The following ODAD3 variants were observed in gnomAD, a reference collection of about 807,000 sequenced individuals.
ODAD3 encodes the protein outer dynein arm docking complex subunit 3, also known as outer dynein arm-docking complex subunit 3.
ODAD3 carries 57 observed loss-of-function variants against 70.9 expected under a neutral mutation model. The ratio of observed to expected loss-of-function variants is 0.80; its 90% CI spans 0.65 to 1.00. The LOEUF is 1.00. Among genes scored for constraint, ODAD3 ranks in the 50% least tolerant of loss-of-function variants. The pLI is 0.00. For synonymous variants in ODAD3, 327 were observed against 315.9 expected (o/e 1.04, Z -0.37); for missense variants, 797 against 763.9 (o/e 1.04, Z -0.51).
rs201899388 is a variant in ODAD3, at chr19:11,426,185, C to T, written c.922G>A (p.Ala308Thr). 5.8e-5 allele frequency: 93 copies of T among 1,613,100 alleles called. No individual in the cohort carries two copies. Among genetic ancestry groups the T allele is most frequent in the Middle Eastern group, 1.6e-4 (1 of 6,084 alleles). ...TCGTTCTCCAGTTTCTTCTCCTCGG[C>T]GCGCTTCTTGCACTCACTTATGTAG... ...ERYISECKKR[A>T]EEKKLENERM... Residue 308 changes from alanine (A) to threonine (T), a missense_variant, in exon 7 of 13, where the codon GCC becomes ACC. By Grantham distance (58) the Ala-to-Thr change is moderately conservative. Transcript: ENST00000356392.
At chr19:11,425,361 A>G (rs1010681455) in intron 7 of ODAD3, among the ~76,000 whole-genome samples, 2,063 of 110,858 alleles carry the variant, frequency 0.019, 174 homozygotes, top group African/African-American at 0.058. Context: ...GTGTATATGT[A>G]CATATGTGTA....
rs1009945841 is a variant in ODAD3, at chr19:11,422,934, C to A, written c.1117-73G>T. On this transcript the variant is annotated intron_variant, in intron 8 of 12. Transcript: ENST00000356392. This position sits in a 1 kb window ranked among gnomAD's most constrained non-coding sequence, Gnocchi z 4.6. ...GGGCGCTCCACCTCCTCTCCCCCAC[C>A]CTGCGAACCCTCGCACGCAGGACAG... The A allele has an allele frequency of 6.6e-7, 1 of 1,518,966 alleles. No homozygotes were observed. The highest frequency in any genetic ancestry group is 2.3e-5 in the East Asian group (1 of 43,638). The allele number at this position is 1,518,966 out of a possible 1,614,324, so 94.1% of individuals were successfully genotyped here.
Position 11,427,025 on chromosome 19 carries a change from C to G in ODAD3, c.460G>C (p.Asp154His). 1 of 1,591,598 alleles carries G rather than the reference C, an allele frequency of 6.3e-7. No individual in the cohort carries two copies. Among genetic ancestry groups the G allele is most frequent in the Non-Finnish European group, 8.5e-7 (1 of 1,174,674 alleles). The change falls in exon 4 of 13, where the codon GAC (aspartate) becomes CAC (histidine). Residue 154 changes from aspartate to histidine, a missense_variant. By Grantham distance (81) the Asp-to-His change is moderately conservative. Coordinates refer to ENST00000356392, the MANE Select transcript of ODAD3 (RefSeq NM_145045.5). ...NRTGQALEHL[D>H]HRLREKVKQQ... Reference sequence around the variant, plus strand: ...TTCACCTTCTCCCTCAGCCGGTGGTCTAGGTGCTCCAGGGCCTGCCGCAAG... The same window carrying G: ...TTCACCTTCTCCCTCAGCCGGTGGTGTAGGTGCTCCAGGGCCTGCCGCAAG...
rs868356352 is a variant in ODAD3, at chr19:11,423,696, A to T, written c.1116+181T>A. Among the ~76,000 whole-genome samples the T allele has an allele frequency of 7.6e-3, 1,150 of 152,140 alleles. 11 individuals are homozygous for T. The highest frequency in any genetic ancestry group is 0.026 in the African/African-American group (1,089 of 41,502). ...GTTTTGCTGCGAAGGGCAGCAGAAAAACTGAACGGTAGCTGGAGGGGGAAG... is the reference window on the plus strand; with the variant it reads ...GTTTTGCTGCGAAGGGCAGCAGAAATACTGAACGGTAGCTGGAGGGGGAAG... On this transcript the variant is annotated intron_variant, in intron 8 of 12. Coordinates refer to ENST00000356392, the MANE Select transcript of ODAD3 (RefSeq NM_145045.5).
At chr19:11,435,385 G>T, upstream of ODAD3, 1 of 426,324 alleles carries the variant, frequency 2.3e-6, no homozygotes, top group Admixed American at 3.9e-5. Flanking sequence ...CTGGGGGTTC[G>T]CGGGCATTTT....
chr19:11,425,218 T>C lies in ODAD3; in HGVS notation c.963+926A>G, dbSNP rs963409613. On this transcript the variant is annotated intron_variant, in intron 7 of 12. Coordinates refer to ENST00000356392, the MANE Select transcript of ODAD3 (RefSeq NM_145045.5). Reference sequence around the variant, plus strand: ...ATATGTGTATGTGTACATATGTGTATATATGTGTGTATATGTACATATGTG... The same window carrying C: ...ATATGTGTATGTGTACATATGTGTACATATGTGTGTATATGTACATATGTG... 5.4e-4 allele frequency among the ~76,000 whole-genome samples: 68 copies of C among 124,804 alleles called. 3 individuals are homozygous for C. Among genetic ancestry groups the C allele is most frequent in the South Asian group, 3.8e-3 (16 of 4,174 alleles). 81.9% of individuals were successfully genotyped at this position (124,804 alleles called of 152,430 possible).
chr19:11,422,763 C>T lies in ODAD3; in HGVS notation c.1215G>A (p.Glu405=). 2.5e-6 allele frequency: 4 copies of T among 1,612,204 alleles called. No individual in the cohort carries two copies. The highest frequency in any genetic ancestry group is 2.2e-5 in the East Asian group (1 of 44,882). ...CCAGCTCCCGCTGCAGTTGTTGCTT[C>T]TCCTGCTTCAGCCTCACCAACGTCT... ...NEQTLVRLKQ[E]KQQLQRELED... Residue 405 remains glutamate, a synonymous_variant, in exon 9 of 13, where the codon GAG becomes GAA. Transcript: ENST00000356392. The surrounding 1 kb of genome is among the most constrained non-coding windows in gnomAD (Gnocchi z 4.6).
intron 1 of ODAD3, among the ~76,000 whole-genome samples, chr19:11,433,507 T>C (rs1969546844): frequency 1.3e-5 from 2 of 152,234 alleles, no homozygotes; most frequent in South Asian, 4.1e-4. Context: ...GGTACCTATG[T>C]TGTACTGTTA....
chr19:11,424,410 G>T (rs903932748), intron 7 of ODAD3, among the ~76,000 whole-genome samples: 1 of 151,590 alleles, frequency 6.6e-6, no homozygotes, highest in African/African-American at 2.4e-5. Flanking sequence ...GCTGAGGTGA[G>T]AGGATCACTT....
At chr19:11,434,084 G>A (rs990708407) in intron 1 of ODAD3, among the ~76,000 whole-genome samples, 41 of 151,536 alleles carry the variant, frequency 2.7e-4, no homozygotes, top group Admixed American at 1.3e-3. Context: ...GTGGTGGCAC[G>A]CACCTATAGT....
Position 11,421,219 on chromosome 19 carries a change from G to C in ODAD3, c.1591-7C>G. The C allele has an allele frequency of 6.2e-7, 1 of 1,611,208 alleles. No homozygotes were observed. The highest frequency in any genetic ancestry group is 1.3e-5 in the African/African-American group (1 of 74,958). On this transcript the variant is annotated splice_region_variant and splice_polypyrimidine_tract_variant and intron_variant, in intron 11 of 12. Transcript: ENST00000356392. ...CCTCTAAGCTGGCGAGGAACTAAGC[G>C]GGGATGGGAAGCGAGAGAGGAAGGT...
At chr19:11,430,385 G>C (rs1969477462) in intron 3 of ODAD3, among the ~76,000 whole-genome samples, 1 of 151,678 alleles carries the variant, frequency 6.6e-6, no homozygotes, top group Admixed American at 6.6e-5. Context: ...TCATCTGCCC[G>C]CCTTGGCCTC....
intron 7 of ODAD3, among the ~76,000 whole-genome samples, chr19:11,424,515 A>ATATATATGTATATATGTATATATG (rs112741413): frequency 3.6e-5 from 5 of 140,038 alleles, no homozygotes; most frequent in South Asian, 2.1e-4. Context: ...GTATATATGT[A>ATATATATGTATATATGTATATATG]TATATATGTA....
At chr19:11,426,312 C>T (rs1205470479) in intron 6 of ODAD3, 46 bp from the exon 7 acceptor site, 1 of 1,610,592 alleles carries the variant, frequency 6.2e-7, no homozygotes, top group East Asian at 2.2e-5. Flanking sequence ...GCACCTACCA[C>T]TGCCCGCCGC....
intron 1 of ODAD3, among the ~76,000 whole-genome samples, chr19:11,432,534 C>T (rs190305654): frequency 2.0e-5 from 3 of 152,220 alleles, no homozygotes; most frequent in East Asian, 3.9e-4. Context: ...GTATGAACCA[C>T]TGTGCCCGGC....
intron 10 of ODAD3, 50 bp from the exon 11 acceptor site, chr19:11,421,882 A>G: frequency 6.4e-7 from 1 of 1,570,268 alleles, no homozygotes; most frequent in Non-Finnish European, 8.6e-7. Context: ...GGCCTCTTGG[A>G]AGGCTCCACC....
At position 11,425,509 on chromosome 19, in the gene ODAD3, GTGTATATA is replaced by G. The variant is rs1319893272; in HGVS notation, c.963+627_963+634del. Among the ~76,000 whole-genome samples, 1,291 of 138,200 alleles carry G rather than the reference GTGTATATA, an allele frequency of 9.3e-3. 91 individuals carry two copies. The highest frequency in any genetic ancestry group is 0.033 in the African/African-American group (1,166 of 35,510). 90.7% of individuals were successfully genotyped at this position (138,200 alleles called of 152,430 possible). On this transcript the variant is annotated intron_variant, in intron 7 of 12. Coordinates refer to ENST00000356392, the MANE Select transcript of ODAD3 (RefSeq NM_145045.5). ...TATATATGTATATATGTATATATGT[GTGTATATA>G]TGTATATATGTATATATGTGTGTAT...
intron 1 of ODAD3, among the ~76,000 whole-genome samples, chr19:11,431,381 G>A (rs1308332110): frequency 1.3e-5 from 2 of 151,864 alleles, no homozygotes; most frequent in Non-Finnish European, 2.9e-5. Flanking sequence ...TAAAGTCCTA[G>A]GATTATAGGT....
At chr19:11,424,675 G>C (rs1218941551) in intron 7 of ODAD3, among the ~76,000 whole-genome samples, 1 of 70,916 alleles carries the variant, frequency 1.4e-5, no homozygotes, top group Non-Finnish European at 2.3e-5. Context: ...GTATATATGT[G>C]TATATATACC....
Sources: gnomAD v4.1 joint callset for allele counts (sites outside exome capture counted in the v4.1 genomes callset) on GRCh38, gnomAD v4.1.1 for gene constraint, Gnocchi (gnomAD v3.1) non-coding constraint, MANE v1.5 for transcripts, NCBI Gene and HGNC (gene_info 2026-07-23, HGNC 2026-07-21) for gene names.